Variants in TYW1 observed in about 807,000 individuals in gnomAD.
TYW1 encodes the protein S-adenosyl-L-methionine-dependent tRNA 4-demethylwyosine synthase TYW1.
A neutral mutation model predicts 96.2 loss-of-function variants in TYW1; 46 were observed. That is an observed-to-expected ratio of 0.48 (90% CI 0.38 to 0.61). TYW1 has a LOEUF of 0.61. Among genes scored for constraint, TYW1 ranks in the 20% least tolerant of loss-of-function variants. The pLI is 0.00. For synonymous variants in TYW1, 274 were observed against 323.0 expected, an observed-to-expected ratio of 0.85 and a Z score of 1.63; for missense variants, 684 against 909.6, an observed-to-expected ratio of 0.75 and a Z score of 3.19.
intron 13 of TYW1, among the ~76,000 whole-genome samples, chr7:67,180,417 TA>T (rs1799802427): frequency 3.2e-5 from 4 of 124,602 alleles, no homozygotes; most frequent in African/African-American, 6.6e-5. Context: ...TATATATATA[TA>T]TATATAATTT....
At chr7:67,177,049 G>A (rs146814977) in intron 13 of TYW1, among the ~76,000 whole-genome samples, 14,629 of 152,208 alleles carry the variant, frequency 0.096, 791 homozygotes, top group Middle Eastern at 0.14. Flanking sequence ...GTAATTAAAA[G>A]TGTGATATTG....
intron 14 of TYW1, among the ~76,000 whole-genome samples, chr7:67,189,402 C>CATGT (rs35584085): frequency 0.29 from 43,821 of 150,804 alleles, 6,971 homozygotes; most frequent in African/African-American, 0.43. Flanking sequence ...GTGTTGTGTG[C>CATGT]GTGTGTTGTG....
rs757614057 is a variant in TYW1, at chr7:67,183,164, A to G, written c.1737A>G (p.Ala579=). The change falls in exon 14 of 16, where the codon GCA becomes GCG. Residue 579 remains alanine (A), a synonymous_variant. Transcript: ENST00000359626. ...RTVYRLTLVK[A]WNVDELQAYA... ...TCTACAGACTGACGCTCGTGAAAGC[A>G]TGGAACGTGGACGAGCTCCAGGCCT... is the stretch of plus-strand genomic sequence containing the variant. The G allele has an allele frequency of 2.8e-5, 45 of 1,612,706 alleles. No homozygotes were observed. The highest frequency in any genetic ancestry group is 1.7e-4 in the Middle Eastern group (1 of 6,054).
intron 13 of TYW1, among the ~76,000 whole-genome samples, chr7:67,167,326 G>A (rs753438775): frequency 2.6e-5 from 4 of 151,796 alleles, no homozygotes; most frequent in Non-Finnish European, 4.4e-5. Context: ...AAAATTAGCC[G>A]GGCCTGGTGG....
intron 9 of TYW1, among the ~76,000 whole-genome samples, chr7:67,066,115 C>T (rs1338092769): frequency 6.6e-6 from 1 of 151,966 alleles, no homozygotes; most frequent in Non-Finnish European, 1.5e-5. Context: ...TTATTAATTC[C>T]ATATTATTTC....
At chr7:67,072,934 GTTTT>G (rs529812538) in intron 10 of TYW1, among the ~76,000 whole-genome samples, 98 of 71,234 alleles carry the variant, frequency 1.4e-3, no homozygotes, top group African/African-American at 6.0e-3. Context: ...TGCCTATCCA[GTTTT>G]TTTTTTTTTT....
chr7:67,228,669 A>G (rs568543323), intron 15 of TYW1, among the ~76,000 whole-genome samples: 2 of 152,334 alleles, frequency 1.3e-5, no homozygotes, highest in East Asian at 1.9e-4. Context: ...CAGCTCATAT[A>G]TAAGATTTCC....
At position 67,222,270 on chromosome 7, in the gene TYW1, A is replaced by G. The variant is rs1463867829; in HGVS notation, c.1978-16038A>G. 3.3e-5 allele frequency among the ~76,000 whole-genome samples: 5 copies of G among 152,276 alleles called. No individual in the cohort carries two copies. In the East Asian group the frequency reaches 9.6e-4, roughly 29 times the overall value. ...GTAACAATCAATTTTATATTTGCCC[A>G]TATATTTACCTTTACTATGATCTTT... On this transcript the variant is annotated intron_variant, in intron 15 of 15. Coordinates refer to ENST00000359626, the MANE Select transcript of TYW1 (RefSeq NM_018264.4).
intron 13 of TYW1, among the ~76,000 whole-genome samples, chr7:67,121,277 A>G (rs1437686879): frequency 6.6e-6 from 1 of 152,244 alleles, no homozygotes; most frequent in Non-Finnish European, 1.5e-5. Flanking sequence ...GGCTCACGCC[A>G]GTATTCCCAG....
chr7:67,157,672 A>G (rs1234533643), intron 13 of TYW1, among the ~76,000 whole-genome samples: 1 of 152,152 alleles, frequency 6.6e-6, no homozygotes, highest in Non-Finnish European at 1.5e-5. Context: ...ATATTCCAGG[A>G]TCCCATTCAG....
At chr7:67,013,531 A>T (rs1214386547) in intron 4 of TYW1, among the ~76,000 whole-genome samples, 1 of 152,096 alleles carries the variant, frequency 6.6e-6, no homozygotes, top group African/African-American at 2.4e-5. Context: ...ATTTAAAACA[A>T]TCTCAAACAC....
At chr7:67,039,526 T>C (rs1022276102) in intron 7 of TYW1, among the ~76,000 whole-genome samples, 37 of 152,162 alleles carry the variant, frequency 2.4e-4, no homozygotes, top group Non-Finnish European at 5.0e-4. Context: ...AGATTGTAAC[T>C]TGGTGATCTA....
At chr7:67,068,415 T>G (rs1418389799) in intron 10 of TYW1, among the ~76,000 whole-genome samples, 1 of 152,238 alleles carries the variant, frequency 6.6e-6, no homozygotes, top group Non-Finnish European at 1.5e-5. Flanking sequence ...CTCATGTTGT[T>G]GTGGTCACTA....
chr7:67,057,983 T>C (rs1447192711), intron 9 of TYW1, among the ~76,000 whole-genome samples: 2 of 152,210 alleles, frequency 1.3e-5, no homozygotes, highest in Admixed American at 6.5e-5. Flanking sequence ...ATATTCTAGA[T>C]TTTCTTCTAG....
At chr7:67,215,796 A>G (rs2116404105) in intron 15 of TYW1, among the ~76,000 whole-genome samples, 1 of 152,288 alleles carries the variant, frequency 6.6e-6, no homozygotes, top group East Asian at 1.9e-4. Flanking sequence ...GAGGGCAGGA[A>G]GCATCCAGCA....
In TYW1 at chr7:67,195,152, G is replaced by T. The variant is rs763528041; in HGVS notation, c.1810-18G>T. On this transcript the variant is annotated intron_variant, in intron 14 of 15. Coordinates refer to ENST00000359626, the MANE Select transcript of TYW1 (RefSeq NM_018264.4). The stretch of plus-strand genomic sequence containing the variant: ...GGTAGGTCTGTAGTCATCTCTGATG[G>T]TTATACTGTTTCCACAGGGCGTTAC... The T allele has an allele frequency of 1.2e-6, 2 of 1,612,812 alleles. No homozygotes were observed. The highest frequency in any genetic ancestry group is 1.7e-5 in the Admixed American group (1 of 59,910).
In TYW1 at chr7:67,025,049, C is replaced by T. The variant is rs372588191; in HGVS notation, c.984+27C>T. ...TACCGTTACTTTGGGAAATGTTGCA[C>T]TTGGCTCCCGCAGTTGGTTAACATT... On this transcript the variant is annotated intron_variant, in intron 7 of 15. Coordinates refer to ENST00000359626, the MANE Select transcript of TYW1 (RefSeq NM_018264.4). 7.4e-6 allele frequency: 12 copies of T among 1,613,024 alleles called. No homozygotes were observed. The African/African-American group carries it at 8.0e-5, about 11-fold the overall frequency.
At chr7:67,137,541 A>C (rs761555481) in intron 13 of TYW1, among the ~76,000 whole-genome samples, 1 of 152,350 alleles carries the variant, frequency 6.6e-6, no homozygotes, top group Non-Finnish European at 1.5e-5. Context: ...CCTAACAGGA[A>C]ACAATTCCAT....
At chr7:67,094,448 A>G (rs765940221) in intron 11 of TYW1, among the ~76,000 whole-genome samples, 1 of 152,186 alleles carries the variant, frequency 6.6e-6, no homozygotes, top group Non-Finnish European at 1.5e-5. Context: ...ACTAATTTAC[A>G]TCCCCACCAA....
Sources: allele counts gnomAD v4.1 joint callset (sites outside exome capture counted in the v4.1 genomes callset), GRCh38; gene constraint gnomAD v4.1.1; transcripts MANE v1.5; gene names NCBI Gene and HGNC (gene_info 2026-07-23, HGNC 2026-07-21).